ELSPBP1: variants seen among roughly 807,000 people sequenced by gnomAD.
The protein encoded by ELSPBP1 is epididymal sperm-binding protein 1.
In ELSPBP1, 38 loss-of-function variants were observed where a neutral mutation model predicts 33.3. The observed-to-expected ratio is 1.14, with a 90% CI of 0.88 to 1.50. The LOEUF is 1.50. Ranked by LOEUF, ELSPBP1 falls within the 40% of genes most tolerant of loss-of-function variation. The probability of loss-of-function intolerance (pLI) is 0.00; values close to 1 mark genes in which losing one functional copy is unlikely to be tolerated. For synonymous variants in ELSPBP1, 85 were observed against 94.1 expected (o/e 0.90, Z 0.56); for missense variants, 267 against 263.5 (o/e 1.01, Z -0.09).
chr19:47,998,862 C>A (rs909765370), intron 1 of ELSPBP1, among the ~76,000 whole-genome samples: 7 of 151,768 alleles, frequency 4.6e-5, no homozygotes, highest in Non-Finnish European at 1.0e-4. Flanking sequence ...AAGTCTCAGA[C>A]GAGCTTGTGT....
chr19:47,998,652 T>G (rs975115651), intron 1 of ELSPBP1, among the ~76,000 whole-genome samples: 2 of 151,266 alleles, frequency 1.3e-5, no homozygotes, highest in Non-Finnish European at 2.9e-5. Context: ...CCGAGCGTGG[T>G]GGTGGGCGCC....
At position 48,011,387 on chromosome 19, in the gene ELSPBP1, G is replaced by A. The variant is rs141348237; in HGVS notation, c.70+2650G>A. ...TGATGATGGTGACAATGATGATGAC[G>A]ATGATAATGATGATGTCAATAATGA... On this transcript the variant is annotated intron_variant, in intron 2 of 6. Transcript: ENST00000339841. This position sits in a 1 kb window ranked among gnomAD's most constrained non-coding sequence, Gnocchi z 4.5. Among the ~76,000 whole-genome samples, 39 of 150,832 alleles carry A rather than the reference G, an allele frequency of 2.6e-4. No individual in the cohort carries two copies. The highest frequency in any genetic ancestry group is 4.2e-4 in the South Asian group (2 of 4,720).
At chr19:48,008,800 A>G (rs1967049055) in intron 2 of ELSPBP1, 63 bp downstream of exon 2, 1 of 1,457,466 alleles carries the variant, frequency 6.9e-7, no homozygotes, top group Non-Finnish European at 9.5e-7. Flanking sequence ...GGGGCAAAGC[A>G]AAGATTCCTG....
chr19:48,010,906 C>A (rs114573412), intron 2 of ELSPBP1, among the ~76,000 whole-genome samples: 3,584 of 152,222 alleles, frequency 0.024, 63 homozygotes, highest in African/African-American at 0.046. Context: ...CCAAAGATAA[C>A]CTTAATTCCA....
chr19:47,995,641 G>C (rs1430067677), intron 1 of ELSPBP1, among the ~76,000 whole-genome samples: 1 of 152,084 alleles, frequency 6.6e-6, no homozygotes, highest in Non-Finnish European at 1.5e-5. Flanking sequence ...TCAGATCTGG[G>C]GTCATTTGCT....
intron 1 of ELSPBP1, among the ~76,000 whole-genome samples, chr19:48,003,824 G>A (rs1966990871): frequency 6.6e-6 from 1 of 151,402 alleles, no homozygotes; most frequent in Non-Finnish European, 1.5e-5. Flanking sequence ...GGAATTATAG[G>A]CATGAGCTAC....
chr19:48,008,246 A>C (rs1323402546), intron 1 of ELSPBP1, among the ~76,000 whole-genome samples: 1 of 152,008 alleles, frequency 6.6e-6, no homozygotes, highest in Non-Finnish European at 1.5e-5. Flanking sequence ...GTATGTGTGT[A>C]TTTAGAGATA....
intron 6 of ELSPBP1, among the ~76,000 whole-genome samples, chr19:48,024,036 A>AT (rs111833936): frequency 0.023 from 3,059 of 131,872 alleles, 52 homozygotes; most frequent in Middle Eastern, 0.031. Flanking sequence ...ATGCCCAGCA[A>AT]TTTTTTTTTT....
chr19:48,010,249 A>G (rs1406662948), intron 2 of ELSPBP1, among the ~76,000 whole-genome samples: 1 of 152,214 alleles, frequency 6.6e-6, no homozygotes, highest in Non-Finnish European at 1.5e-5. Flanking sequence ...TTAGGAACTC[A>G]CAGTTTATTC....
chr19:48,001,393 G>C (rs933008783), intron 1 of ELSPBP1, among the ~76,000 whole-genome samples: 2 of 150,318 alleles, frequency 1.3e-5, no homozygotes, highest in Admixed American at 1.3e-4. Context: ...ATGTTGGCCA[G>C]CATGGTCTCA....
At chr19:48,010,952 A>G (rs140585670) in intron 2 of ELSPBP1, among the ~76,000 whole-genome samples, 27 of 152,322 alleles carry the variant, frequency 1.8e-4, no homozygotes, top group African/African-American at 6.3e-4. Flanking sequence ...TCAACACAGT[A>G]TCCTATATAC....
intron 6 of ELSPBP1, among the ~76,000 whole-genome samples, chr19:48,024,587 G>T (rs908593967): frequency 6.6e-6 from 1 of 152,120 alleles, no homozygotes; most frequent in Non-Finnish European, 1.5e-5. Context: ...AAAGGAGGGG[G>T]TTTGGAACTC....
At chr19:48,019,505 G>A (rs943103433) in intron 4 of ELSPBP1, among the ~76,000 whole-genome samples, 1 of 152,148 alleles carries the variant, frequency 6.6e-6, no homozygotes, top group Non-Finnish European at 1.5e-5. Flanking sequence ...CCGTGAAGTC[G>A]TGTTAATAGA....
At position 48,011,482 on chromosome 19, in the gene ELSPBP1, GATA is replaced by G. The variant is rs1333560874; in HGVS notation, c.71-2686_71-2684del. Among the ~76,000 whole-genome samples the G allele has an allele frequency of 6.6e-6, 1 of 151,580 alleles. No homozygotes were observed. The highest frequency in any genetic ancestry group is 2.4e-5 in the African/African-American group (1 of 41,238). ...TGACAATGACAATAATGAGGTTGAT[GATA>G]ATGACAATGACTGATAATGATGATG... On this transcript the variant is annotated intron_variant, in intron 2 of 6. Transcript: ENST00000339841. This position sits in a 1 kb window ranked among gnomAD's most constrained non-coding sequence, Gnocchi z 4.5.
chr19:48,005,748 T>A (rs1967011331), intron 1 of ELSPBP1, among the ~76,000 whole-genome samples: 2 of 152,160 alleles, frequency 1.3e-5, no homozygotes, highest in Admixed American at 1.3e-4. Context: ...GGTTAAGAGC[T>A]CAATTACTCT....
chr19:48,019,747 C>G lies in ELSPBP1; in HGVS notation c.384C>G (p.Pro128=). ...ATGGGGGAAATTCTCTCAGGAAGCC[C>G]TGCATCTTCCCCTCCATCTACAGAA... ...NEYGGNSLRK[P]CIFPSIYRNN... The change falls in exon 5 of 7, where the codon CCC becomes CCG. Residue 128 remains proline (P), a synonymous_variant. Coordinates refer to ENST00000339841, the MANE Select transcript of ELSPBP1 (RefSeq NM_022142.5). 1 of 1,614,028 alleles carries G rather than the reference C, an allele frequency of 6.2e-7. No homozygotes were observed. Among genetic ancestry groups the G allele is most frequent in the South Asian group, 1.1e-5 (1 of 91,044 alleles).
chr19:48,009,319 A>G (rs1325461860), intron 2 of ELSPBP1, among the ~76,000 whole-genome samples: 1 of 152,198 alleles, frequency 6.6e-6, no homozygotes, highest in Non-Finnish European at 1.5e-5. Context: ...AATGGGCACC[A>G]GCATCTTTCA....
At chr19:48,021,752 A>G (rs1004014747) in intron 5 of ELSPBP1, among the ~76,000 whole-genome samples, 3 of 151,828 alleles carry the variant, frequency 2.0e-5, no homozygotes, top group African/African-American at 7.3e-5. Context: ...GCGCAGCCAC[A>G]TTTTATATTT....
In ELSPBP1 at chr19:48,015,926, G is replaced by A. The variant is rs146067833; in HGVS notation, c.242G>A (p.Arg81Gln). Residue 81 changes from arginine to glutamine, a missense_variant, in exon 4 of 7, where the codon CGA becomes CAA. Transcript: ENST00000339841. ...YPRCIFPFIY[R>Q]GKAYNSCISQ... Reference sequence around the variant, plus strand: ...CGCTGTATCTTCCCTTTCATCTATCGAGGAAAGGCTTATAACAGCTGCATC... The same window carrying A: ...CGCTGTATCTTCCCTTTCATCTATCAAGGAAAGGCTTATAACAGCTGCATC... 1.2e-4 allele frequency: 197 copies of A among 1,613,164 alleles called. 1 individual carries two copies. The East Asian group carries it at 3.9e-3, about 32-fold the overall frequency.
Sources: gnomAD v4.1 joint callset for allele counts (sites outside exome capture counted in the v4.1 genomes callset) on GRCh38, gnomAD v4.1.1 for gene constraint, Gnocchi (gnomAD v3.1) non-coding constraint, MANE v1.5 for transcripts, NCBI Gene and HGNC (gene_info 2026-07-23, HGNC 2026-07-21) for gene names.